GRIK5: variants seen among roughly 807,000 people sequenced by gnomAD.
GRIK5 encodes the protein glutamate receptor ionotropic, kainate 5.
A neutral mutation model predicts 97.4 loss-of-function variants in GRIK5; 43 were observed. The observed-to-expected ratio is 0.44, with a 90% confidence interval of 0.35 to 0.57. GRIK5 has a LOEUF of 0.57. GRIK5 is among the 20% of genes least tolerant of loss of function. The pLI is 0.01. For synonymous variants in GRIK5, 580 were observed against 583.5 expected, an observed-to-expected ratio of 0.99 and a Z score of 0.09; for missense variants, 1,015 against 1,382.0, an observed-to-expected ratio of 0.73 and a Z score of 4.21.
intron 5 of GRIK5, among the ~76,000 whole-genome samples, chr19:42,060,764 C>CTCCT (rs1229967469): frequency 6.6e-6 from 1 of 151,950 alleles, no homozygotes; most frequent in African/African-American, 2.4e-5. Context: ...ACACAGCTCC[C>CTCCT]TCCTTCCCCT....
intron 8 of GRIK5, 143 bp from the exon 9 acceptor site, chr19:42,054,615 G>A (rs1255501957): frequency 7.0e-6 from 6 of 859,344 alleles, no homozygotes; most frequent in Non-Finnish European, 1.1e-5. Flanking sequence ...TCAGGAGTGA[G>A]GAAGTGGCTC....
intron 15 of GRIK5, among the ~76,000 whole-genome samples, chr19:42,019,325 G>A (rs933404130): frequency 6.6e-6 from 1 of 152,078 alleles, no homozygotes; most frequent in Non-Finnish European, 1.5e-5. Flanking sequence ...CTGCCTTTAG[G>A]ACTCAACCCA....
Position 42,062,458 on chromosome 19 carries a change from C to G in GRIK5, c.508+30G>C, listed in dbSNP as rs185691827. The G allele has an allele frequency of 3.8e-3, 6,196 of 1,611,978 alleles. 20 individuals carry two copies. The highest frequency in any genetic ancestry group is 4.7e-3 in the Non-Finnish European group (5,587 of 1,178,736). ...TCTTGGGAAGGGGTGTCTGGGGGAACAGAAAACAAAACATTCAGTTCTCCC... is the reference window on the plus strand; with the variant it reads ...TCTTGGGAAGGGGTGTCTGGGGGAAGAGAAAACAAAACATTCAGTTCTCCC... On this transcript the variant is annotated intron_variant, in intron 5 of 19. Coordinates refer to ENST00000593562, the MANE Select transcript of GRIK5 (RefSeq NM_002088.5). This position sits in a 1 kb window ranked among gnomAD's most constrained non-coding sequence, Gnocchi z 5.3.
rs772706042 is a variant in GRIK5, at chr19:42,062,859, C to A, written c.245-4G>T. ...CCTTTGGGTAAGATCTGACACACTG[C>A]GTGGGAAGGGGAAGAGACCGCAGAG... On this transcript the variant is annotated splice_region_variant and splice_polypyrimidine_tract_variant and intron_variant, in intron 3 of 19. Coordinates refer to ENST00000593562, the MANE Select transcript of GRIK5 (RefSeq NM_002088.5). The surrounding 1 kb of genome is among the most constrained non-coding windows in gnomAD (Gnocchi z 5.3). The A allele has an allele frequency of 6.2e-7, 1 of 1,609,454 alleles. No homozygotes were observed. The highest frequency in any genetic ancestry group is 8.5e-7 in the Non-Finnish European group (1 of 1,175,982).
At chr19:42,008,582 A>C (rs558860264) in intron 15 of GRIK5, among the ~76,000 whole-genome samples, 1 of 151,228 alleles carries the variant, frequency 6.6e-6, no homozygotes, top group East Asian at 2.0e-4. Context: ...AACCGAGATC[A>C]CCACTGCACT....
In GRIK5 at chr19:42,022,713, C is replaced by CT; in HGVS notation, c.1474-360dup. 2.1e-6 allele frequency: 2 copies of CT among 958,396 alleles called. No homozygotes were observed. The highest frequency in any genetic ancestry group is 2.5e-6 in the Non-Finnish European group (2 of 805,622). 59.4% of individuals were successfully genotyped at this position (958,396 alleles called of 1,614,324 possible). ...AGCCAAGGTCCTGAAGGGGCTGAGA[C>CT]TGACAGCACTCGAGATAATACAGGC... is the stretch of plus-strand genomic sequence containing the variant. On this transcript the variant is annotated intron_variant, in intron 12 of 19. Coordinates refer to ENST00000593562, the MANE Select transcript of GRIK5 (RefSeq NM_002088.5). This position sits in a 1 kb window ranked among gnomAD's most constrained non-coding sequence, Gnocchi z 4.2.
chr19:42,043,567 C>T (rs1035971795), intron 11 of GRIK5, among the ~76,000 whole-genome samples: 2 of 151,850 alleles, frequency 1.3e-5, no homozygotes, highest in African/African-American at 2.4e-5. Context: ...CCACCACGCC[C>T]GCCCAATTTT....
Position 42,022,633 on chromosome 19 carries a change from G to A in GRIK5, c.1474-279C>T, listed in dbSNP as rs1383580569. ...GTCCCAGCATCAAGGGCTGGGGATG[G>A]AGGGGTTCCCCAAACTCCAATTCAA... On this transcript the variant is annotated intron_variant, in intron 12 of 19. Coordinates refer to ENST00000593562, the MANE Select transcript of GRIK5 (RefSeq NM_002088.5). The surrounding 1 kb of genome is among the most constrained non-coding windows in gnomAD (Gnocchi z 4.2). 1 of 984,988 alleles carries A rather than the reference G, an allele frequency of 1.0e-6. No homozygotes were observed. Among genetic ancestry groups the A allele is most frequent in the Non-Finnish European group, 1.2e-6 (1 of 829,860 alleles). The allele number at this position is 984,988 out of a possible 1,614,324, so 61.0% of individuals were successfully genotyped here.
At chr19:42,013,564 C>T (rs1227802201) in intron 15 of GRIK5, among the ~76,000 whole-genome samples, 4 of 151,656 alleles carry the variant, frequency 2.6e-5, no homozygotes, top group East Asian at 1.9e-4. Context: ...CACCCGCCAC[C>T]GCACCCGGCT....
intron 15 of GRIK5, among the ~76,000 whole-genome samples, chr19:42,009,269 C>T (rs1387768357): frequency 3.3e-5 from 5 of 151,892 alleles, no homozygotes; most frequent in Non-Finnish European, 5.9e-5. Flanking sequence ...GATAGAGTCT[C>T]GCTCTGTCCC....
At chr19:42,004,062 C>T (rs1184252012) in intron 17 of GRIK5, among the ~76,000 whole-genome samples, 1 of 152,192 alleles carries the variant, frequency 6.6e-6, no homozygotes, top group Non-Finnish European at 1.5e-5. Context: ...CCTGGAATGT[C>T]CCTCTCCGCA....
chr19:42,021,175 T>C lies in GRIK5; in HGVS notation c.1871+126A>G, dbSNP rs1296684952. 3 of 780,342 alleles carry C rather than the reference T, an allele frequency of 3.8e-6. No homozygotes were observed. In the South Asian group the frequency reaches 5.4e-5, roughly 14 times the overall value. The allele number at this position is 780,342 out of a possible 1,614,324, so 48.3% of individuals were successfully genotyped here. ...TCAGCTCTCCCCACCCCATTCCTCGTCACACAGCTCTGCAAGGGAAAACGG... is the reference window on the plus strand; with the variant it reads ...TCAGCTCTCCCCACCCCATTCCTCGCCACACAGCTCTGCAAGGGAAAACGG... On this transcript the variant is annotated intron_variant, in intron 15 of 19. Transcript: ENST00000593562. The surrounding 1 kb of genome is among the most constrained non-coding windows in gnomAD (Gnocchi z 4.2).
chr19:42,001,311 C>A (rs2075421317), intron 19 of GRIK5, among the ~76,000 whole-genome samples: 1 of 152,222 alleles, frequency 6.6e-6, no homozygotes, highest in South Asian at 2.1e-4. Flanking sequence ...TCACTGCAAC[C>A]TCCACCTCCC....
rs1168099656 is a variant in GRIK5, at chr19:42,003,160, C to T, written c.2514+172G>A. Among the ~76,000 whole-genome samples, 3 of 152,080 alleles carry T rather than the reference C, an allele frequency of 2.0e-5. No homozygotes were observed. Among genetic ancestry groups the T allele is most frequent in the African/African-American group, 7.3e-5 (3 of 41,372 alleles). On this transcript the variant is annotated intron_variant, in intron 19 of 19. Coordinates refer to ENST00000593562, the MANE Select transcript of GRIK5 (RefSeq NM_002088.5). The surrounding 1 kb of genome is among the most constrained non-coding windows in gnomAD (Gnocchi z 4.2). ...ACTTTCCCTCCTGTTCTTCCTCACG[C>T]GCTGATTCTCTGGCCCCATCAGCTC...
chr19:42,043,090 A>G (rs1272960545), intron 11 of GRIK5, among the ~76,000 whole-genome samples: 1 of 152,172 alleles, frequency 6.6e-6, no homozygotes, highest in African/African-American at 2.4e-5. Context: ...GCCAAAGTGG[A>G]TCAGGGGCTT....
intron 12 of GRIK5, among the ~76,000 whole-genome samples, chr19:42,023,591 C>T (rs775331948): frequency 3.9e-5 from 6 of 152,208 alleles, no homozygotes; most frequent in Non-Finnish European, 5.9e-5. Context: ...CAAGACCCCA[C>T]TTCCTCCTGA....
intron 11 of GRIK5, among the ~76,000 whole-genome samples, chr19:42,050,483 C>T (rs985795795): frequency 6.6e-6 from 1 of 151,722 alleles, no homozygotes; most frequent in Non-Finnish European, 1.5e-5. Flanking sequence ...CACGGTGAAA[C>T]CCCGTCTCTA....
chr19:42,055,620 A>C (rs1019030626), intron 8 of GRIK5, among the ~76,000 whole-genome samples: 3 of 152,204 alleles, frequency 2.0e-5, no homozygotes, highest in Non-Finnish European at 2.9e-5. Flanking sequence ...TGATGAAATA[A>C]GCAAATATAA....
chr19:42,026,198 G>A (rs1568898866), intron 12 of GRIK5, among the ~76,000 whole-genome samples: 1 of 152,052 alleles, frequency 6.6e-6, no homozygotes, highest in Non-Finnish European at 1.5e-5. Flanking sequence ...ATGTTCCCCA[G>A]GCTGGTCTCG....
Sources: allele counts gnomAD v4.1 joint callset (sites outside exome capture counted in the v4.1 genomes callset), GRCh38; gene constraint gnomAD v4.1.1; non-coding constraint Gnocchi (gnomAD v3.1); transcripts MANE v1.5; gene names NCBI Gene and HGNC (gene_info 2026-07-23, HGNC 2026-07-21).